FECH: variants seen among roughly 807,000 people sequenced by gnomAD.
FECH encodes ferrochelatase.
Under a neutral mutation model 56.9 loss-of-function variants are expected in FECH, and 40 were observed. That is an observed-to-expected ratio of 0.70 (90% confidence interval 0.55 to 0.92). FECH has a LOEUF of 0.92. Among genes scored for constraint, FECH ranks in the 40% least tolerant of loss-of-function variants. The probability of loss-of-function intolerance (pLI) is 0.00; values close to 1 mark genes in which losing one functional copy is unlikely to be tolerated. For missense variants in FECH, 431 were observed against 529.1 expected (o/e 0.81, Z 1.82); for synonymous variants, 175 against 198.6 (o/e 0.88, Z 1.00).
intron 9 of FECH, 51 bp from the exon 10 acceptor site, chr18:57,551,425 T>C (rs753913557): frequency 9.5e-7 from 1 of 1,048,394 alleles, no homozygotes; most frequent in Admixed American, 2.1e-5. Context: ...TTTATTTTCC[T>C]TTTTTTTTCA....
At chr18:57,575,057 C>T (rs1235482935) in intron 2 of FECH, among the ~76,000 whole-genome samples, 1 of 152,140 alleles carries the variant, frequency 6.6e-6, no homozygotes, top group African/African-American at 2.4e-5. Context: ...ATTCAGGACA[C>T]TTCATAGAAA....
chr18:57,577,196 A>G (rs529021351), intron 2 of FECH, among the ~76,000 whole-genome samples: 86 of 152,338 alleles, frequency 5.6e-4, no homozygotes, highest in South Asian at 2.9e-3. Context: ...TGCCTCTAGA[A>G]CAGAATTTGG....
chr18:57,579,287 A>G (rs1398464198), intron 2 of FECH, among the ~76,000 whole-genome samples: 2 of 89,064 alleles, frequency 2.2e-5, no homozygotes, highest in Non-Finnish European at 5.2e-5. Flanking sequence ...GTGTGTGTAT[A>G]TATGTGTGTG....
At chr18:57,578,434 G>A (rs985527933) in intron 2 of FECH, among the ~76,000 whole-genome samples, 2 of 152,192 alleles carry the variant, frequency 1.3e-5, no homozygotes, top group African/African-American at 4.8e-5. Context: ...CAGCACTTTG[G>A]GAAGCCATGG....
chr18:57,569,640 C>G (rs2051067076), intron 4 of FECH, among the ~76,000 whole-genome samples: 1 of 152,118 alleles, frequency 6.6e-6, no homozygotes, highest in South Asian at 2.1e-4. Flanking sequence ...TCTACCAGGG[C>G]TTTAACTCCT....
At chr18:57,564,042 CTAATTTTTTACTTTTAG>C (rs2050984649) in intron 5 of FECH, among the ~76,000 whole-genome samples, 1 of 152,076 alleles carries the variant, frequency 6.6e-6, no homozygotes, top group Non-Finnish European at 1.5e-5. Flanking sequence ...CTACGCCTGG[CTAATTTTTTACTTTTAG>C]TAGAGACGGG....
Position 57,554,829 on chromosome 18 carries a change from T to A in FECH, c.912+16A>T, listed in dbSNP as rs377519834. 1.3e-5 allele frequency: 21 copies of A among 1,604,194 alleles called. No individual in the cohort carries two copies. In the African/African-American group the frequency reaches 2.8e-4, roughly 21 times the overall value. ...CCAATAAGAGCTGGCCGCCCGCCAGTGTGGAAGCCACTTACCTTGGATTGC... is the reference window on the plus strand; with the variant it reads ...CCAATAAGAGCTGGCCGCCCGCCAGAGTGGAAGCCACTTACCTTGGATTGC... On this transcript the variant is annotated intron_variant, in intron 8 of 10. Transcript: ENST00000262093.
intron 7 of FECH, 70 bp from the exon 8 acceptor site, chr18:57,555,022 C>G: frequency 8.4e-7 from 1 of 1,195,830 alleles, no homozygotes; most frequent in Non-Finnish European, 1.2e-6. Flanking sequence ...TGACTATGTG[C>G]TGACACAGTG....
At chr18:57,555,016 T>G in intron 7 of FECH, 64 bp from the exon 8 acceptor site, 1 of 1,271,342 alleles carries the variant, frequency 7.9e-7, no homozygotes, top group South Asian at 1.2e-5. Flanking sequence ...AGCCTCTGAC[T>G]ATGTGCTGAC....
intron 2 of FECH, among the ~76,000 whole-genome samples, chr18:57,575,566 C>A (rs2051173854): frequency 6.6e-6 from 1 of 152,180 alleles, no homozygotes; most frequent in African/African-American, 2.4e-5. Context: ...CTTCGGCCTC[C>A]TGAGTAGCTG....
At chr18:57,584,525 A>C (rs2051336669) in intron 1 of FECH, among the ~76,000 whole-genome samples, 1 of 152,060 alleles carries the variant, frequency 6.6e-6, no homozygotes, top group South Asian at 2.1e-4. Context: ...AAACCAAATT[A>C]ATATTTTGGA....
At chr18:57,554,171 A>G (rs2122247147) in intron 9 of FECH, 89 bp downstream of exon 9, 4 of 1,377,282 alleles carry the variant, frequency 2.9e-6, no homozygotes, top group Admixed American at 1.7e-5. Context: ...ACAGTAAACA[A>G]TATTTCTGAA....
chr18:57,574,836 G>A (rs1368755067), intron 2 of FECH, among the ~76,000 whole-genome samples: 1 of 152,186 alleles, frequency 6.6e-6, no homozygotes, highest in Non-Finnish European at 1.5e-5. Flanking sequence ...TAAAAATTGA[G>A]ATATAACTCA....
chr18:57,571,936 T>C (rs2051116416), intron 3 of FECH, among the ~76,000 whole-genome samples: 1 of 152,220 alleles, frequency 6.6e-6, no homozygotes. Flanking sequence ...AGTCTATTAA[T>C]CTTATAGATA....
intron 5 of FECH, among the ~76,000 whole-genome samples, chr18:57,566,076 G>A (rs1489871849): frequency 6.6e-6 from 1 of 152,156 alleles, no homozygotes; most frequent in Non-Finnish European, 1.5e-5. Flanking sequence ...TTCAAAATGA[G>A]AACAGTTACA....
At chr18:57,572,796 T>C (rs573871215) in intron 3 of FECH, among the ~76,000 whole-genome samples, 206 of 152,062 alleles carry the variant, frequency 1.4e-3, no homozygotes, top group Middle Eastern at 6.8e-3. Flanking sequence ...CATGTACTAA[T>C]TTTTCATAAT....
At chr18:57,571,675 T>G in intron 3 of FECH, 135 bp from the exon 4 acceptor site, 1 of 1,265,060 alleles carries the variant, frequency 7.9e-7, no homozygotes, top group Non-Finnish European at 1.1e-6. Flanking sequence ...AACAGAAGCT[T>G]GAGGTCATTG....
intron 1 of FECH, among the ~76,000 whole-genome samples, chr18:57,580,931 G>A (rs998649774): frequency 2.2e-4 from 33 of 152,320 alleles, no homozygotes; most frequent in African/African-American, 7.0e-4. Context: ...GCCATCAGTG[G>A]ATCAAGTCTT....
intron 4 of FECH, among the ~76,000 whole-genome samples, chr18:57,568,982 T>C (rs1323378949): frequency 2.6e-5 from 4 of 152,196 alleles, no homozygotes; most frequent in African/African-American, 9.6e-5. Flanking sequence ...ATCCCCATTT[T>C]CTAGCTGAGG....
Sources: allele counts gnomAD v4.1 joint callset (sites outside exome capture counted in the v4.1 genomes callset), GRCh38; gene constraint gnomAD v4.1.1; transcripts MANE v1.5; gene names NCBI Gene and HGNC (gene_info 2026-07-23, HGNC 2026-07-21).